NEK10: variants seen among roughly 807,000 people sequenced by gnomAD.
NEK10 encodes the protein serine/threonine-protein kinase Nek10.
In NEK10, 122 loss-of-function variants were observed where a neutral mutation model predicts 159.8. The ratio of observed to expected loss-of-function variants is 0.76; its 90% CI spans 0.66 to 0.89. The LOEUF (loss-of-function observed/expected upper bound fraction) is 0.89, where lower values mean the gene tolerates loss of function less well. Among genes scored for constraint, NEK10 ranks in the 40% least tolerant of loss-of-function variants. NEK10 has a pLI of 0.00. For synonymous variants in NEK10, 466 were observed against 457.1 expected, an observed-to-expected ratio of 1.02 and a Z score of -0.25; for missense variants, 1,342 against 1,323.1, an observed-to-expected ratio of 1.01 and a Z score of -0.22.
rs898822128 is a variant in NEK10, at chr3:27,331,146, G to A, written c.363-8885C>T. ...CAGCTACTCGGGAGGCCGAGGCAGG[G>A]AGAATCGCTTAAACTTGGGAAGTGG... is the stretch of plus-strand genomic sequence containing the variant. On this transcript the variant is annotated intron_variant, in intron 5 of 35. Transcript: ENST00000691995. Among the ~76,000 whole-genome samples the A allele has an allele frequency of 2.7e-5, 4 of 149,038 alleles. No homozygotes were observed. In the Admixed American group the frequency reaches 2.8e-4, roughly 10 times the overall value.
intron 26 of NEK10, among the ~76,000 whole-genome samples, chr3:27,191,340 T>C (rs1449825184): frequency 1.3e-5 from 2 of 149,842 alleles, no homozygotes; most frequent in Non-Finnish European, 3.0e-5. Context: ...AGGTCGCCAC[T>C]GGGTGGAGGC....
At chr3:27,336,305 T>TA (rs1462250803) in intron 5 of NEK10, among the ~76,000 whole-genome samples, 4 of 151,628 alleles carry the variant, frequency 2.6e-5, no homozygotes, top group Non-Finnish European at 4.4e-5. Context: ...CAGGAAGAAA[T>TA]AAAAAAACAA....
intron 23 of NEK10, among the ~76,000 whole-genome samples, chr3:27,245,405 A>G (rs1455663887): frequency 6.6e-6 from 1 of 152,166 alleles, no homozygotes; most frequent in Non-Finnish European, 1.5e-5. Flanking sequence ...AGGGATGTTT[A>G]GTGACATCCA....
intron 3 of NEK10, among the ~76,000 whole-genome samples, chr3:27,352,245 T>C (rs1053058361): frequency 3.9e-5 from 6 of 152,148 alleles, no homozygotes; most frequent in African/African-American, 1.4e-4. Flanking sequence ...GTGAGAAGCA[T>C]AGGCTAAAGC....
intron 23 of NEK10, chr3:27,216,306 T>C (rs547679882): frequency 5.0e-5 from 8 of 159,834 alleles, no homozygotes; most frequent in African/African-American, 1.9e-4. Flanking sequence ...GTTGGATAAA[T>C]ATATATTGAG....
intron 23 of NEK10, among the ~76,000 whole-genome samples, chr3:27,209,972 C>T (rs887285270): frequency 2.6e-5 from 4 of 151,098 alleles, no homozygotes; most frequent in African/African-American, 9.7e-5. Context: ...CACTCCTATC[C>T]GAATCCAGGA....
At chr3:27,236,291 A>G (rs1451581107) in intron 23 of NEK10, among the ~76,000 whole-genome samples, 1 of 152,178 alleles carries the variant, frequency 6.6e-6, no homozygotes, top group Non-Finnish European at 1.5e-5. Context: ...TGAACTTAAA[A>G]GTTAAAAAAT....
At chr3:27,132,248 A>G (rs1381953569) in intron 31 of NEK10, among the ~76,000 whole-genome samples, 1 of 152,158 alleles carries the variant, frequency 6.6e-6, no homozygotes, top group Admixed American at 6.5e-5. Flanking sequence ...ATTATTTTTC[A>G]TTTAACAAAT....
chr3:27,214,335 C>A (rs1951287089), intron 23 of NEK10, among the ~76,000 whole-genome samples: 1 of 152,156 alleles, frequency 6.6e-6, no homozygotes, highest in Admixed American at 6.5e-5. Flanking sequence ...TGGCTCAGAA[C>A]AAATCTCTTC....
intron 35 of NEK10, among the ~76,000 whole-genome samples, chr3:27,111,767 T>G (rs1303019068): frequency 1.3e-5 from 2 of 152,216 alleles, no homozygotes; most frequent in African/African-American, 2.4e-5. Context: ...TCATAAAGAT[T>G]ATATGCTCAT....
At chr3:27,236,812 T>A (rs144664399) in intron 23 of NEK10, among the ~76,000 whole-genome samples, 223 of 152,284 alleles carry the variant, frequency 1.5e-3, no homozygotes, top group African/African-American at 5.2e-3. Flanking sequence ...TATGTTCAGC[T>A]GTGCACATAT....
At position 27,107,902 on chromosome 3, in the gene NEK10, A is replaced by G. The variant is rs910679877; in HGVS notation, c.*3370T>C. ...GCATGATTCCTCACCACTTCAAAAA[A>G]AGAGAAAAATAGCAATACATACATG... On this transcript the variant is annotated 3_prime_UTR_variant, in exon 36 of 36. Coordinates refer to ENST00000691995, the MANE Select transcript of NEK10 (RefSeq NM_001394966.1). Among the ~76,000 whole-genome samples the G allele has an allele frequency of 7.9e-5, 12 of 152,350 alleles. No individual in the cohort carries two copies. Among genetic ancestry groups the G allele is most frequent in the African/African-American group, 2.9e-4 (12 of 41,580 alleles).
At chr3:27,258,197 T>C (rs1159829544) in intron 22 of NEK10, among the ~76,000 whole-genome samples, 1 of 152,148 alleles carries the variant, frequency 6.6e-6, no homozygotes, top group Non-Finnish European at 1.5e-5. Flanking sequence ...TAATTTAATA[T>C]ATGCAAATGT....
intron 7 of NEK10, among the ~76,000 whole-genome samples, chr3:27,313,029 A>G (rs586229): frequency 0.4 from 60,365 of 151,548 alleles, 15,691 homozygotes; most frequent in African/African-American, 0.75. Flanking sequence ...TTCCAACTCA[A>G]AAACGTGATC....
intron 23 of NEK10, among the ~76,000 whole-genome samples, chr3:27,204,081 C>T: frequency 6.6e-6 from 1 of 151,996 alleles, no homozygotes; most frequent in Admixed American, 6.5e-5. Flanking sequence ...TTCTCATATT[C>T]TCATCTACTG....
intron 30 of NEK10, among the ~76,000 whole-genome samples, chr3:27,153,261 A>C (rs1945066076): frequency 6.6e-6 from 1 of 151,294 alleles, no homozygotes. Context: ...CGAAGCTTGC[A>C]GTGAGCCAAG....
chr3:27,123,886 G>C (rs1352568583), intron 32 of NEK10, among the ~76,000 whole-genome samples: 1 of 151,938 alleles, frequency 6.6e-6, no homozygotes, highest in Non-Finnish European at 1.5e-5. Context: ...ACAAATTTTA[G>C]AAAAGGCCTG....
At chr3:27,244,435 C>T (rs1371533717) in intron 23 of NEK10, among the ~76,000 whole-genome samples, 1 of 152,124 alleles carries the variant, frequency 6.6e-6, no homozygotes, top group African/African-American at 2.4e-5. Flanking sequence ...ATGTATTATT[C>T]AATAAACAAT....
intron 23 of NEK10, among the ~76,000 whole-genome samples, chr3:27,245,110 A>G (rs558276035): frequency 2.0e-5 from 3 of 152,188 alleles, no homozygotes; most frequent in East Asian, 3.9e-4. Flanking sequence ...CCACTGCATC[A>G]TTTCTATCTC....
Sources: allele counts gnomAD v4.1 joint callset (sites outside exome capture counted in the v4.1 genomes callset), GRCh38; gene constraint gnomAD v4.1.1; transcripts MANE v1.5; gene names NCBI Gene and HGNC (gene_info 2026-07-23, HGNC 2026-07-21).